TFAP2C: variants seen among roughly 807,000 people sequenced by gnomAD.
The protein encoded by TFAP2C is activating enhancer-binding protein 2 gamma.
A neutral mutation model predicts 42.9 loss-of-function variants in TFAP2C; 9 were observed. That is an observed-to-expected ratio of 0.21 (90% confidence interval 0.13 to 0.37). TFAP2C has a LOEUF of 0.37. TFAP2C is among the 10% of genes least tolerant of loss of function. The pLI, the probability that TFAP2C is intolerant of heterozygous loss-of-function variation, is 1.00. For synonymous variants in TFAP2C, 264 were observed against 256.0 expected (o/e 1.03, Z -0.30); for missense variants, 462 against 591.7 (o/e 0.78, Z 2.27).
chr20:56,629,414 C>A lies in TFAP2C; in HGVS notation c.-131C>A. 1.3e-6 allele frequency: 1 copy of A among 747,160 alleles called. No individual in the cohort carries two copies. The highest frequency in any genetic ancestry group is 3.4e-5 in the Admixed American group (1 of 29,604). The allele number at this position is 747,160 out of a possible 1,614,324, so 46.3% of individuals were successfully genotyped here. On this transcript the variant is annotated 5_prime_UTR_variant, in exon 1 of 7. Transcript: ENST00000201031. This position sits in a 1 kb window ranked among gnomAD's most constrained non-coding sequence, Gnocchi z 5.9. ...GCCGATGCGTGTCCAGTGACCCGGA[C>A]AGCAAGGCCCGCGCGCGGCGGGGGC...
chr20:56,632,243 GTT>G (rs1987507003), intron 3 of TFAP2C, among the ~76,000 whole-genome samples: 1 of 152,184 alleles, frequency 6.6e-6, no homozygotes, highest in Non-Finnish European at 1.5e-5. Flanking sequence ...TGTTGAATAA[GTT>G]GTGATTTTAT....
Position 56,631,168 on chromosome 20 carries a change from C to T in TFAP2C, c.49-37C>T, listed in dbSNP as rs1568751427. 10 of 1,483,892 alleles carry T rather than the reference C, an allele frequency of 6.7e-6. No individual in the cohort carries two copies. Among genetic ancestry groups the T allele is most frequent in the East Asian group, 2.6e-5 (1 of 38,772 alleles). The allele number at this position is 1,483,892 out of a possible 1,614,324, so 91.9% of individuals were successfully genotyped here. A position where few individuals can be genotyped will look rare whatever the true frequency, so the allele number is the denominator to read the frequency against. On this transcript the variant is annotated intron_variant, in intron 1 of 6. Transcript: ENST00000201031. This position sits in a 1 kb window ranked among gnomAD's most constrained non-coding sequence, Gnocchi z 6.1. Reference sequence around the variant, plus strand: ...GCCAGTTCGCAGTAGCGGGGTTTCGCACTAACGGGGTCTCCTGTTTTTTTT... The same window carrying T: ...GCCAGTTCGCAGTAGCGGGGTTTCGTACTAACGGGGTCTCCTGTTTTTTTT...
Position 56,629,672 on chromosome 20 carries a change from A to G in TFAP2C, c.48+80A>G. Reference sequence around the variant, plus strand: ...AGGGGCCACTGGACCGAGGTCGGGGACGAGGGCATAGGAGCCCTGGCCTCT... The same window carrying G: ...AGGGGCCACTGGACCGAGGTCGGGGGCGAGGGCATAGGAGCCCTGGCCTCT... On this transcript the variant is annotated intron_variant, in intron 1 of 6. Coordinates refer to ENST00000201031, the MANE Select transcript of TFAP2C (RefSeq NM_003222.4). This position sits in a 1 kb window ranked among gnomAD's most constrained non-coding sequence, Gnocchi z 5.9. The G allele has an allele frequency of 8.5e-7, 1 of 1,173,216 alleles. No individual in the cohort carries two copies. The highest frequency in any genetic ancestry group is 1.1e-6 in the Non-Finnish European group (1 of 897,100). The allele number at this position is 1,173,216 out of a possible 1,614,324, so 72.7% of individuals were successfully genotyped here. A position where few individuals can be genotyped will look rare whatever the true frequency, so the allele number is the denominator to read the frequency against.
At position 56,630,757 on chromosome 20, in the gene TFAP2C, C is replaced by T; in HGVS notation, c.49-448C>T. ...CCCGCGCCGCGCACTCTATCCGCGC[C>T]TGCCGCGCTGCCACCTCCAGCAGTC... On this transcript the variant is annotated intron_variant, in intron 1 of 6. Transcript: ENST00000201031. This position sits in a 1 kb window ranked among gnomAD's most constrained non-coding sequence, Gnocchi z 5.1. 1 of 985,334 alleles carries T rather than the reference C, an allele frequency of 1.0e-6. No homozygotes were observed. Among genetic ancestry groups the T allele is most frequent in the Non-Finnish European group, 1.2e-6 (1 of 829,876 alleles). 61.0% of individuals were successfully genotyped at this position (985,334 alleles called of 1,614,324 possible).
At position 56,631,673 on chromosome 20, in the gene TFAP2C, C is replaced by G. The variant is rs1418284982; in HGVS notation, c.517C>G (p.Gln173Glu). Reference sequence around the variant, plus strand: ...CCTGGGGCTCCACGACATGCCTCACCAGATGGACGAGGTGCAGGTGAGCGG... The same window carrying G: ...CCTGGGGCTCCACGACATGCCTCACGAGATGGACGAGGTGCAGGTGAGCGG... ...ENLGLHDMPH[Q>E]MDEVQNVDDQ... Residue 173 changes from glutamine (Q) to glutamate (E), a missense_variant, in exon 2 of 7, where the codon CAG (glutamine) becomes GAG (glutamate). This residue lies in a region of TFAP2C where 271 missense variants were observed against 269.7 expected (regional missense o/e 1.00). Transcript: ENST00000201031. This position sits in a 1 kb window ranked among gnomAD's most constrained non-coding sequence, Gnocchi z 6.1. 1.3e-6 allele frequency: 2 copies of G among 1,589,446 alleles called. No individual in the cohort carries two copies. Among genetic ancestry groups the G allele is most frequent in the African/African-American group, 2.7e-5 (2 of 74,604 alleles).
chr20:56,634,798 C>A (rs1032211536), intron 5 of TFAP2C, among the ~76,000 whole-genome samples: 7 of 152,144 alleles, frequency 4.6e-5, no homozygotes, highest in African/African-American at 1.7e-4. Flanking sequence ...TAATCGAACC[C>A]CTGGCCCACG....
intron 5 of TFAP2C, among the ~76,000 whole-genome samples, chr20:56,634,557 C>T (rs1023442132): frequency 3.3e-5 from 5 of 152,164 alleles, no homozygotes; most frequent in African/African-American, 4.8e-5. Flanking sequence ...CTAGGGGTGT[C>T]GGCATTTCCT....
chr20:56,638,248 C>A lies in TFAP2C; in HGVS notation c.*235C>A. The A allele has an allele frequency of 2.2e-6, 1 of 464,590 alleles. No homozygotes were observed. Among genetic ancestry groups the A allele is most frequent in the Non-Finnish European group, 3.8e-6 (1 of 264,392 alleles). The allele number at this position is 464,590 out of a possible 1,614,324, so 28.8% of individuals were successfully genotyped here. ...ATTATCAGAAGGTGACAAGTACTGG[C>A]TCTTTATTCATTAAGCTTTTTTTTT... On this transcript the variant is annotated 3_prime_UTR_variant, in exon 7 of 7. Transcript: ENST00000201031.
In TFAP2C at chr20:56,631,009, C is replaced by T. The variant is rs1987477953; in HGVS notation, c.49-196C>T. 1.0e-6 allele frequency: 1 copy of T among 985,276 alleles called. No individual in the cohort carries two copies. Among genetic ancestry groups the T allele is most frequent in the Admixed American group, 6.1e-5 (1 of 16,272 alleles). The allele number at this position is 985,276 out of a possible 1,614,324, so 61.0% of individuals were successfully genotyped here. ...CCCAGGTCTTTCACCAGACTCTCCTCCCTCCCCGCACTCTTTGCTTACAAC... is the reference window on the plus strand; with the variant it reads ...CCCAGGTCTTTCACCAGACTCTCCTTCCTCCCCGCACTCTTTGCTTACAAC... On this transcript the variant is annotated intron_variant, in intron 1 of 6. Transcript: ENST00000201031. This position sits in a 1 kb window ranked among gnomAD's most constrained non-coding sequence, Gnocchi z 6.1.
In TFAP2C at chr20:56,635,749, T is replaced by C. The variant is rs557429745; in HGVS notation, c.923-861T>C. ...GGTAAACATTTTTCAAGTTTACTCA[T>C]CTCAGTATCCATGGGGCACTGGTTC... On this transcript the variant is annotated intron_variant, in intron 5 of 6. Transcript: ENST00000201031. Among the ~76,000 whole-genome samples the C allele has an allele frequency of 2.6e-5, 4 of 152,304 alleles. No individual in the cohort carries two copies. The East Asian group carries it at 7.7e-4, about 29-fold the overall frequency.
intron 5 of TFAP2C, among the ~76,000 whole-genome samples, chr20:56,635,937 A>C (rs558521598): frequency 5.3e-5 from 8 of 152,240 alleles, no homozygotes; most frequent in Non-Finnish European, 1.2e-4. Flanking sequence ...TGCTCAGGGA[A>C]TAATGGCAAA....
Position 56,638,864 on chromosome 20 carries a change from CAG to C in TFAP2C, c.*852_*853del, listed in dbSNP as rs968166481. The C allele has an allele frequency of 2.0e-5, 3 of 152,492 alleles. No individual in the cohort carries two copies. The highest frequency in any genetic ancestry group is 7.2e-5 in the African/African-American group (3 of 41,420). 9.4% of individuals were successfully genotyped at this position (152,492 alleles called of 1,614,324 possible). On this transcript the variant is annotated 3_prime_UTR_variant, in exon 7 of 7. Transcript: ENST00000201031. ...CGTGGAGGTTCTGTATTTTAAGAAA[CAG>C]TGCGTTGAGTGTACAGATTTTATTT...
At chr20:56,634,054 GAC>G (rs1987542950) in intron 4 of TFAP2C, 94 bp from the exon 5 acceptor site, 3 of 810,868 alleles carry the variant, frequency 3.7e-6, no homozygotes, top group African/African-American at 1.7e-5. Context: ...TTTCAGCTTT[GAC>G]AGCAGCACTT....
rs769202169 is a variant in TFAP2C at position 56,629,534 on chromosome 20, C to T, written c.-11C>T. On this transcript the variant is annotated 5_prime_UTR_variant, in exon 1 of 7. It adds an upstream start codon to the 5' untranslated region. Coordinates refer to ENST00000201031, the MANE Select transcript of TFAP2C (RefSeq NM_003222.4). This position sits in a 1 kb window ranked among gnomAD's most constrained non-coding sequence, Gnocchi z 5.9. Reference sequence around the variant, plus strand: ...TTTAACTGGCGACTGTTTTGGGGGACGCCGGACGCCATGTTGTGGAAAATA... The same window carrying T: ...TTTAACTGGCGACTGTTTTGGGGGATGCCGGACGCCATGTTGTGGAAAATA... The T allele has an allele frequency of 7.3e-5, 104 of 1,420,598 alleles. No individual in the cohort carries two copies. The highest frequency in any genetic ancestry group is 9.5e-5 in the Non-Finnish European group (103 of 1,084,672). The allele number at this position is 1,420,598 out of a possible 1,614,324, so 88.0% of individuals were successfully genotyped here.
rs1452317024 is a variant in TFAP2C, at chr20:56,630,462, G to A, written c.49-743G>A. 3 of 381,710 alleles carry A rather than the reference G, an allele frequency of 7.9e-6. No individual in the cohort carries two copies. The highest frequency in any genetic ancestry group is 1.6e-5 in the Non-Finnish European group (3 of 185,154). 23.6% of individuals were successfully genotyped at this position (381,710 alleles called of 1,614,324 possible). On this transcript the variant is annotated intron_variant, in intron 1 of 6. Transcript: ENST00000201031. This position sits in a 1 kb window ranked among gnomAD's most constrained non-coding sequence, Gnocchi z 5.1. Reference sequence around the variant, plus strand: ...CCCAGGGGCGAGGGAACGTGCGCGGGCAAGGCTGCCCAATTTCCAGGGTTC... The same window carrying A: ...CCCAGGGGCGAGGGAACGTGCGCGGACAAGGCTGCCCAATTTCCAGGGTTC...
chr20:56,631,336 T>C lies in TFAP2C; in HGVS notation c.180T>C (p.Phe60=), dbSNP rs752234358. ...GVAEYQPPPY[F]PPPYQQLAYS... ...CCGAATATCAGCCGCCACCCTACTT[T>C]CCCCCTCCCTACCAGCAGCTGGCCT... Residue 60 remains phenylalanine (F), a synonymous_variant, in exon 2 of 7, where the codon TTT becomes TTC. Coordinates refer to ENST00000201031, the MANE Select transcript of TFAP2C (RefSeq NM_003222.4). The surrounding 1 kb of genome is among the most constrained non-coding windows in gnomAD (Gnocchi z 6.1). 1.3e-4 allele frequency: 209 copies of C among 1,607,288 alleles called. No homozygotes were observed. Among genetic ancestry groups the C allele is most frequent in the Middle Eastern group, 5.0e-4 (3 of 6,030 alleles).
chr20:56,630,705 TC>T lies in TFAP2C; in HGVS notation c.49-497del, dbSNP rs1987471376. ...TGTCCCGAGGGCGTGGAAGGGAGGG[TC>T]CCGGGGGCGGGGGAGGTGCGCATTT... On this transcript the variant is annotated intron_variant, in intron 1 of 6. Coordinates refer to ENST00000201031, the MANE Select transcript of TFAP2C (RefSeq NM_003222.4). The surrounding 1 kb of genome is among the most constrained non-coding windows in gnomAD (Gnocchi z 5.1). 1.0e-6 allele frequency: 1 copy of T among 985,026 alleles called. No homozygotes were observed. Among genetic ancestry groups the T allele is most frequent in the Non-Finnish European group, 1.2e-6 (1 of 829,792 alleles). The allele number at this position is 985,026 out of a possible 1,614,324, so 61.0% of individuals were successfully genotyped here.
Position 56,629,693 on chromosome 20 carries a change from C to A in TFAP2C, c.48+101C>A. 1 of 921,008 alleles carries A rather than the reference C, an allele frequency of 1.1e-6. No homozygotes were observed. Among genetic ancestry groups the A allele is most frequent in the Non-Finnish European group, 1.5e-6 (1 of 674,876 alleles). The allele number at this position is 921,008 out of a possible 1,614,324, so 57.1% of individuals were successfully genotyped here. A position where few individuals can be genotyped will look rare whatever the true frequency, so the allele number is the denominator to read the frequency against. The stretch of plus-strand genomic sequence containing the variant: ...GGGGACGAGGGCATAGGAGCCCTGG[C>A]CTCTCGGTGGGACGGGATCCACTTC... On this transcript the variant is annotated intron_variant, in intron 1 of 6. Coordinates refer to ENST00000201031, the MANE Select transcript of TFAP2C (RefSeq NM_003222.4). This position sits in a 1 kb window ranked among gnomAD's most constrained non-coding sequence, Gnocchi z 5.9.
chr20:56,630,348 A>G lies in TFAP2C; in HGVS notation c.48+756A>G. ...CGCAGGCCCGGGCGCTTCCGCCAGG[A>G]GGCGACAGCGCCATGTTCCTCCAGG... is the stretch of plus-strand genomic sequence containing the variant. On this transcript the variant is annotated intron_variant, in intron 1 of 6. Coordinates refer to ENST00000201031, the MANE Select transcript of TFAP2C (RefSeq NM_003222.4). This position sits in a 1 kb window ranked among gnomAD's most constrained non-coding sequence, Gnocchi z 5.1. 1 of 451,916 alleles carries G rather than the reference A, an allele frequency of 2.2e-6. No homozygotes were observed. The highest frequency in any genetic ancestry group is 1.6e-5 in the South Asian group (1 of 63,194). The allele number at this position is 451,916 out of a possible 1,614,324, so 28.0% of individuals were successfully genotyped here. A position where few individuals can be genotyped will look rare whatever the true frequency, so the allele number is the denominator to read the frequency against.
Sources: allele counts gnomAD v4.1 joint callset (sites outside exome capture counted in the v4.1 genomes callset), GRCh38; gene constraint gnomAD v4.1.1; regional missense constraint gnomAD v4.1.1; non-coding constraint Gnocchi (gnomAD v3.1); transcripts MANE v1.5; gene names NCBI Gene and HGNC (gene_info 2026-07-23, HGNC 2026-07-21).